The following USH2A variants were observed in gnomAD, a reference collection of about 807,000 sequenced individuals.
USH2A encodes usherin.
In USH2A, 443 loss-of-function variants were observed where a neutral mutation model predicts 538.9. The ratio of observed to expected loss-of-function variants is 0.82; its 90% CI spans 0.76 to 0.89. USH2A has a LOEUF of 0.89. Among genes scored for constraint, USH2A ranks in the 40% least tolerant of loss-of-function variants. The probability of loss-of-function intolerance (pLI) is 0.00; values close to 1 mark genes in which losing one functional copy is unlikely to be tolerated. For missense variants in USH2A, 6,633 were observed against 6,324.8 expected (o/e 1.05, Z -1.65); for synonymous variants, 2,413 against 2,273.5 (o/e 1.06, Z -1.75).
chr1:215,948,674 T>C (rs1666820492), intron 37 of USH2A, among the ~76,000 whole-genome samples: 2 of 152,062 alleles, frequency 1.3e-5, no homozygotes, highest in African/African-American at 4.8e-5. Context: ...ATTTTTATTA[T>C]ACATATAAAC....
At chr1:216,372,573 T>A (rs987237789) in intron 3 of USH2A, among the ~76,000 whole-genome samples, 3 of 152,118 alleles carry the variant, frequency 2.0e-5, no homozygotes, top group Middle Eastern at 3.4e-3. Context: ...GCAAGTAGAT[T>A]TTTTTTTGTC....
intron 21 of USH2A, among the ~76,000 whole-genome samples, chr1:216,156,473 CA>C (rs2033943921): frequency 6.6e-6 from 1 of 151,870 alleles, no homozygotes; most frequent in African/African-American, 2.4e-5. Context: ...TAAAGTATAA[CA>C]AAAATAAAGT....
chr1:215,877,424 AG>A (rs1018647007), intron 43 of USH2A, among the ~76,000 whole-genome samples: 1 of 152,206 alleles, frequency 6.6e-6, no homozygotes, highest in African/African-American at 2.4e-5. Flanking sequence ...ACAAGTGCCC[AG>A]GAATTTTCCC....
At chr1:215,707,085 G>A (rs1659203561) in intron 61 of USH2A, among the ~76,000 whole-genome samples, 1 of 152,080 alleles carries the variant, frequency 6.6e-6, no homozygotes, top group African/African-American at 2.4e-5. Context: ...ATTTTTATTA[G>A]ACATTTGGAC....
intron 32 of USH2A, among the ~76,000 whole-genome samples, chr1:216,031,678 A>G (rs1217188103): frequency 2.0e-5 from 3 of 152,148 alleles, no homozygotes; most frequent in Non-Finnish European, 2.9e-5. Flanking sequence ...GGTATTTCTG[A>G]AAATCCTTCA....
At chr1:216,116,324 A>G (rs1478185017) in intron 21 of USH2A, among the ~76,000 whole-genome samples, 1 of 152,108 alleles carries the variant, frequency 6.6e-6, no homozygotes, top group Non-Finnish European at 1.5e-5. Flanking sequence ...ATATCTACTA[A>G]AATATACTGT....
chr1:216,262,274 G>A (rs775976603), intron 11 of USH2A, among the ~76,000 whole-genome samples: 1 of 151,744 alleles, frequency 6.6e-6, no homozygotes, highest in African/African-American at 2.4e-5. Context: ...ATGATGTTAA[G>A]GAAACTCAGC....
At chr1:216,033,334 C>T (rs920979414) in intron 32 of USH2A, among the ~76,000 whole-genome samples, 1 of 152,090 alleles carries the variant, frequency 6.6e-6, no homozygotes, top group Non-Finnish European at 1.5e-5. Flanking sequence ...GTTATTCTAA[C>T]AAATATAGAG....
At position 216,078,149 on chromosome 1, in the gene USH2A, A is replaced by G; in HGVS notation, c.5512T>C (p.Tyr1838His). The stretch of plus-strand genomic sequence containing the variant: ...AGTTCCTGTGGGATTCCTCCCACAT[A>G]AACTGGTGAATTCACCACCAGTGGC... ...DQPLVVNSPV[Y>H]VGGIPQELLN... The change falls in exon 27 of 72, where the codon TAT becomes CAT. Residue 1838 changes from tyrosine to histidine, a missense_variant. Tyr to His is a moderately conservative substitution (Grantham distance 83, BLOSUM62 2). Transcript: ENST00000307340. The G allele has an allele frequency of 6.2e-7, 1 of 1,613,744 alleles. No individual in the cohort carries two copies. Among genetic ancestry groups the G allele is most frequent in the Non-Finnish European group, 8.5e-7 (1 of 1,179,778 alleles).
chr1:216,177,474 A>G (rs1392423568), intron 20 of USH2A, among the ~76,000 whole-genome samples: 2 of 152,176 alleles, frequency 1.3e-5, no homozygotes, highest in Non-Finnish European at 2.9e-5. Context: ...TCAGCACAAA[A>G]TAACAAGCCT....
chr1:216,040,935 C>G (rs942554746), intron 32 of USH2A, among the ~76,000 whole-genome samples: 3 of 151,704 alleles, frequency 2.0e-5, no homozygotes, highest in African/African-American at 7.3e-5. Context: ...TTAATTGAAC[C>G]TATACTTTTG....
chr1:216,301,551 TC>T (rs1558374673), intron 9 of USH2A, among the ~76,000 whole-genome samples: 1 of 152,164 alleles, frequency 6.6e-6, no homozygotes, highest in African/African-American at 2.4e-5. Context: ...TCTGGCTCAG[TC>T]CATCTTTACT....
chr1:216,132,264 C>T (rs1328320263), intron 21 of USH2A, among the ~76,000 whole-genome samples: 1 of 152,026 alleles, frequency 6.6e-6, no homozygotes, highest in Non-Finnish European at 1.5e-5. Flanking sequence ...CTTTCTTATA[C>T]TTAGAATCTT....
intron 21 of USH2A, among the ~76,000 whole-genome samples, chr1:216,109,140 C>G (rs998686444): frequency 1.3e-5 from 2 of 152,106 alleles, no homozygotes; most frequent in African/African-American, 4.8e-5. Context: ...ATTCTGGAAT[C>G]CAATCATGGC....
chr1:216,259,913 A>T (rs1423561187), intron 11 of USH2A, among the ~76,000 whole-genome samples: 1 of 152,110 alleles, frequency 6.6e-6, no homozygotes, highest in Non-Finnish European at 1.5e-5. Context: ...TCAAAGACGA[A>T]AAATGAAATG....
intron 9 of USH2A, 96 bp from the exon 10 acceptor site, chr1:216,292,466 T>C (rs2037021480): frequency 7.8e-7 from 1 of 1,280,378 alleles, no homozygotes; most frequent in South Asian, 1.3e-5. Context: ...GTAAAGCACA[T>C]ATCAGTGAGT....
intron 21 of USH2A, among the ~76,000 whole-genome samples, chr1:216,137,674 A>G (rs529580630): frequency 6.6e-6 from 1 of 152,102 alleles, no homozygotes. Context: ...CTGCCTGCTT[A>G]TATTCTAGCC....
At chr1:216,174,528 A>G in intron 21 of USH2A, 1 of 984,934 alleles carries the variant, frequency 1.0e-6, no homozygotes, top group Non-Finnish European at 1.2e-6. Flanking sequence ...AGCTTTTGAT[A>G]ATATTTTTAT....
chr1:216,278,907 A>C (rs1348778655), intron 11 of USH2A, among the ~76,000 whole-genome samples: 4 of 152,164 alleles, frequency 2.6e-5, no homozygotes, highest in Non-Finnish European at 4.4e-5. Context: ...TTCAAATTTT[A>C]AATGTATTGT....
Sources: allele counts gnomAD v4.1 joint callset (sites outside exome capture counted in the v4.1 genomes callset), GRCh38; gene constraint gnomAD v4.1.1; transcripts MANE v1.5; gene names NCBI Gene and HGNC (gene_info 2026-07-23, HGNC 2026-07-21).